The following TMIGD3 variants were observed in gnomAD, a reference collection of about 807,000 sequenced individuals.
The protein encoded by TMIGD3 is transmembrane and immunoglobulin domain containing 3.
In TMIGD3, 21 loss-of-function variants were observed where a neutral mutation model predicts 28.1. That is an observed-to-expected ratio of 0.75 (90% CI 0.53 to 1.08). TMIGD3 has a LOEUF of 1.08. Ranked by LOEUF, TMIGD3 falls within the 50% of genes least tolerant of loss-of-function variation. TMIGD3 has a pLI of 0.00. For synonymous variants in TMIGD3, 151 were observed against 162.1 expected, an observed-to-expected ratio of 0.93 and a Z score of 0.52; for missense variants, 416 against 435.6, an observed-to-expected ratio of 0.96 and a Z score of 0.40.
chr1:111,543,464 T>A (rs1313252943), intron 1 of TMIGD3, among the ~76,000 whole-genome samples: 1 of 152,144 alleles, frequency 6.6e-6, no homozygotes. Flanking sequence ...CATAATTGGG[T>A]CATATCACTC....
chr1:111,483,658 T>C lies in TMIGD3; in HGVS notation c.*29A>G. The C allele has an allele frequency of 2.6e-6, 4 of 1,562,114 alleles. No homozygotes were observed. The highest frequency in any genetic ancestry group is 3.5e-6 in the Non-Finnish European group (4 of 1,133,320). ...GGTGATTATTCTGTTGTAGCATCAC[T>C]TTATGAACTAAATTAAAAAAATCTT... On this transcript the variant is annotated 3_prime_UTR_variant, in exon 6 of 6. Transcript: ENST00000369716.
upstream of TMIGD3, among the ~76,000 whole-genome samples, chr1:111,505,998 CTGTG>C (rs1187588655): frequency 3.3e-5 from 5 of 152,162 alleles, no homozygotes; most frequent in Non-Finnish European, 7.4e-5. Flanking sequence ...TTCCTCTCCC[CTGTG>C]CACACACTCT....
At chr1:111,499,693 C>T (rs1335440801) in intron 1 of TMIGD3, 5 of 1,267,866 alleles carry the variant, frequency 3.9e-6, no homozygotes, top group Non-Finnish European at 4.0e-6. Flanking sequence ...GGAAAACAGA[C>T]AATAATATCA....
chr1:111,547,164 T>C (rs1260100065), intron 1 of TMIGD3, among the ~76,000 whole-genome samples: 1 of 152,176 alleles, frequency 6.6e-6, no homozygotes, highest in African/African-American at 2.4e-5. Context: ...TAATTTTCTT[T>C]TTTTTCATGA....
chr1:111,549,236 A>G (rs1165129433), intron 1 of TMIGD3, among the ~76,000 whole-genome samples: 1 of 151,382 alleles, frequency 6.6e-6, no homozygotes, highest in Non-Finnish European at 1.5e-5. Context: ...TTTTTAAAAA[A>G]TCTTTGTGAA....
At chr1:111,497,536 G>A (rs1474992070) in intron 1 of TMIGD3, among the ~76,000 whole-genome samples, 2 of 152,016 alleles carry the variant, frequency 1.3e-5, no homozygotes, top group African/African-American at 2.4e-5. Context: ...TTCACTGTAC[G>A]GACTCCTGGG....
chr1:111,490,329 T>C (rs1654596782), intron 2 of TMIGD3: 1 of 246,288 alleles, frequency 4.1e-6, no homozygotes, highest in African/African-American at 2.2e-5. Context: ...AAATATGGAA[T>C]GCGTAATGAA....
chr1:111,517,015 G>A (rs553836898), intron 1 of TMIGD3, among the ~76,000 whole-genome samples: 2 of 152,324 alleles, frequency 1.3e-5, no homozygotes, highest in East Asian at 3.9e-4. Flanking sequence ...TGGCTTCTCA[G>A]TCCCAGACTA....
At chr1:111,529,914 CAG>C (rs553973931) in intron 1 of TMIGD3, among the ~76,000 whole-genome samples, 193 of 148,070 alleles carry the variant, frequency 1.3e-3, no homozygotes, top group African/African-American at 4.8e-3. Context: ...GCTGGCCGGG[CAG>C]AGGGGCTCCT....
At chr1:111,499,191 A>G (rs911605329) in intron 1 of TMIGD3, among the ~76,000 whole-genome samples, 3 of 152,296 alleles carry the variant, frequency 2.0e-5, no homozygotes, top group East Asian at 1.9e-4. Context: ...CACTACTCCT[A>G]TGAGAATGAA....
intron 1 of TMIGD3, among the ~76,000 whole-genome samples, chr1:111,491,794 G>A (rs1489175102): frequency 6.6e-6 from 1 of 152,198 alleles, no homozygotes; most frequent in Non-Finnish European, 1.5e-5. Flanking sequence ...AACTTATTTG[G>A]ATCCTGATTG....
chr1:111,490,479 C>G, intron 2 of TMIGD3, 177 bp downstream of exon 2: 1 of 586,790 alleles, frequency 1.7e-6, no homozygotes, highest in Non-Finnish European at 3.0e-6. Flanking sequence ...CTTATCTGAG[C>G]TAAGAACAAG....
chr1:111,516,317 G>A (rs950054107), intron 1 of TMIGD3, among the ~76,000 whole-genome samples: 12 of 152,232 alleles, frequency 7.9e-5, no homozygotes, highest in Non-Finnish European at 1.5e-4. Flanking sequence ...GGAACTTGTA[G>A]AAAAGCCAAG....
rs62642559 is a variant in TMIGD3, at chr1:111,503,264, C to T, written c.91G>A (p.Val31Met). ...AGCTTGACCACGCAGATGACCAGCA[C>T]GTTGCCCACTATGGCGCAGAGTCCA... ...FIGLCAIVGN[V>M]LVICVVKLNP... Residue 31 changes from valine (V) to methionine (M), a missense_variant, in exon 1 of 6, where the codon GTG (valine) becomes ATG (methionine). Coordinates refer to ENST00000369716, the MANE Select transcript of TMIGD3 (RefSeq NM_020683.7). The T allele has an allele frequency of 7.6e-5, 122 of 1,614,196 alleles. No individual in the cohort carries two copies. The East Asian group carries it at 1.8e-3, about 24-fold the overall frequency.
chr1:111,525,867 A>G (rs572401859), intron 1 of TMIGD3, among the ~76,000 whole-genome samples: 1 of 152,326 alleles, frequency 6.6e-6, no homozygotes, highest in South Asian at 2.1e-4. Flanking sequence ...CTGTCTCAAA[A>G]CAAATAAACA....
At chr1:111,540,436 G>A (rs751778196) in intron 1 of TMIGD3, among the ~76,000 whole-genome samples, 5 of 152,160 alleles carry the variant, frequency 3.3e-5, no homozygotes, top group Non-Finnish European at 7.3e-5. Flanking sequence ...CTCTTGAGCC[G>A]GGGAGTATTT....
chr1:111,527,240 G>C (rs1241593721), intron 1 of TMIGD3, among the ~76,000 whole-genome samples: 8 of 152,072 alleles, frequency 5.3e-5, no homozygotes, highest in Admixed American at 5.2e-4. Context: ...TCGAACTCCT[G>C]ACCTCAAGTG....
upstream of TMIGD3, among the ~76,000 whole-genome samples, chr1:111,507,344 T>C (rs1297988038): frequency 1.3e-5 from 2 of 152,042 alleles, no homozygotes; most frequent in African/African-American, 4.8e-5. Flanking sequence ...GAGAAACCAT[T>C]GGCTTAAATC....
chr1:111,503,784 CTCAGAACTCTCAGCAAA>C (rs1655375787), upstream of TMIGD3: 1 of 1,010,484 alleles, frequency 9.9e-7, no homozygotes, highest in Admixed American at 5.1e-5. Context: ...AAGTACAGAG[CTCAGAACTCTCAGCAAA>C]AAGATGGAAA....
Sources: gnomAD v4.1 joint callset for allele counts (sites outside exome capture counted in the v4.1 genomes callset) on GRCh38, gnomAD v4.1.1 for gene constraint, MANE v1.5 for transcripts, NCBI Gene and HGNC (gene_info 2026-07-23, HGNC 2026-07-21) for gene names.